SETD3: variants seen among roughly 807,000 people sequenced by gnomAD.
SETD3 encodes the protein SET domain containing 3, actin N3(tau)-histidine methyltransferase.
A neutral mutation model predicts 63.0 loss-of-function variants in SETD3; 19 were observed. The observed-to-expected ratio is 0.30, with a 90% CI of 0.21 to 0.44. The LOEUF is 0.44. Among genes scored for constraint, SETD3 ranks in the 20% least tolerant of loss-of-function variants. SETD3 has a pLI of 1.00. For missense variants in SETD3, 587 were observed against 728.5 expected (o/e 0.81, Z 2.24); for synonymous variants, 286 against 264.1 (o/e 1.08, Z -0.80).
chr14:99,407,606 C>T (rs1216199678), intron 8 of SETD3, among the ~76,000 whole-genome samples: 2 of 152,130 alleles, frequency 1.3e-5, no homozygotes, highest in African/African-American at 2.4e-5. Context: ...AATAAGGAGG[C>T]GGCTCACGCT....
chr14:99,398,962 T>C lies in SETD3; in HGVS notation c.1502A>G (p.Lys501Arg), dbSNP rs1223079812. 1 of 1,614,112 alleles carries C rather than the reference T, an allele frequency of 6.2e-7. No homozygotes were observed. The highest frequency in any genetic ancestry group is 8.5e-7 in the Non-Finnish European group (1 of 1,179,986). ...CAGCCCAAGGTTACTCTCTTCATAT[T>C]TGGGAAGCGGAGCCTTTTCCTCCAT... ...QQMEEKAPLP[K>R]YEESNLGLLE... The change falls in exon 13 of 13, where the codon AAA (lysine) becomes AGA (arginine). Residue 501 changes from lysine to arginine, a missense_variant. Coordinates refer to ENST00000331768, the MANE Select transcript of SETD3 (RefSeq NM_032233.3).
At chr14:99,402,266 T>C (rs947526799) in intron 11 of SETD3, among the ~76,000 whole-genome samples, 3 of 152,228 alleles carry the variant, frequency 2.0e-5, no homozygotes, top group Middle Eastern at 3.2e-3. Flanking sequence ...CTTTTTTCCA[T>C]GTACTATGTT....
chr14:99,413,729 T>C, intron 7 of SETD3, 147 bp downstream of exon 7: 1 of 723,298 alleles, frequency 1.4e-6, no homozygotes, highest in South Asian at 1.8e-5. Flanking sequence ...AAGCTGCTCC[T>C]GATAACTTCT....
chr14:99,439,178 C>T (rs1893652344), intron 6 of SETD3, among the ~76,000 whole-genome samples: 1 of 152,212 alleles, frequency 6.6e-6, no homozygotes, highest in Non-Finnish European at 1.5e-5. Flanking sequence ...AGGAGCAGCT[C>T]CTGCTGGAAA....
At chr14:99,429,366 C>T (rs1287589970) in intron 6 of SETD3, among the ~76,000 whole-genome samples, 1 of 152,148 alleles carries the variant, frequency 6.6e-6, no homozygotes, top group African/African-American at 2.4e-5. Context: ...CCACCAAGGG[C>T]ACAGGCTGGA....
rs538018928 is a variant in SETD3 at position 99,421,789 on chromosome 14, A to G, written c.676-7855T>C. ...AGACATTAAAAGCGTACCCAAGTTTACCCAGTTAATAAATGATGAGGCTAG... is the reference window on the plus strand; with the variant it reads ...AGACATTAAAAGCGTACCCAAGTTTGCCCAGTTAATAAATGATGAGGCTAG... On this transcript the variant is annotated intron_variant, in intron 6 of 12. Transcript: ENST00000331768. Among the ~76,000 whole-genome samples, 316 of 152,290 alleles carry G rather than the reference A, an allele frequency of 2.1e-3. 1 individual carries two copies. The highest frequency in any genetic ancestry group is 7.6e-3 in the African/African-American group (314 of 41,562).
chr14:99,433,160 T>A (rs1893275133), intron 6 of SETD3, among the ~76,000 whole-genome samples: 1 of 152,062 alleles, frequency 6.6e-6, no homozygotes. Flanking sequence ...TCACAGAGTT[T>A]CTGTTTGGGG....
intron 1 of SETD3, among the ~76,000 whole-genome samples, chr14:99,478,398 C>T (rs1183429944): frequency 6.6e-6 from 1 of 152,170 alleles, no homozygotes. Flanking sequence ...AACAGGCAAA[C>T]CAGTCTCTAA....
intron 1 of SETD3, among the ~76,000 whole-genome samples, chr14:99,476,921 C>T (rs1459590602): frequency 6.6e-6 from 1 of 152,142 alleles, no homozygotes; most frequent in Non-Finnish European, 1.5e-5. Context: ...CGTGTAGACA[C>T]TTGATTATCT....
intron 6 of SETD3, among the ~76,000 whole-genome samples, chr14:99,439,085 A>G (rs1279574022): frequency 1.3e-5 from 2 of 152,234 alleles, no homozygotes; most frequent in African/African-American, 4.8e-5. Context: ...GAGAACTGCT[A>G]AAGCAGCAGC....
intron 1 of SETD3, among the ~76,000 whole-genome samples, chr14:99,470,731 A>T (rs1895654923): frequency 6.6e-6 from 1 of 152,196 alleles, no homozygotes; most frequent in Non-Finnish European, 1.5e-5. Context: ...ACTTGGAACC[A>T]TCACTGTCTG....
At chr14:99,419,829 TG>T (rs1892489307) in intron 6 of SETD3, among the ~76,000 whole-genome samples, 2 of 152,100 alleles carry the variant, frequency 1.3e-5, no homozygotes, top group Non-Finnish European at 2.9e-5. Flanking sequence ...GTATACTCTA[TG>T]ATGGGCAACC....
At chr14:99,423,960 T>G (rs1011813243) in intron 6 of SETD3, among the ~76,000 whole-genome samples, 1 of 143,660 alleles carries the variant, frequency 7.0e-6, no homozygotes, top group Non-Finnish European at 1.5e-5. Context: ...TTTCACTCTC[T>G]TTTTTTTTTT....
chr14:99,424,036 GA>G (rs1201464661), intron 6 of SETD3, among the ~76,000 whole-genome samples: 4 of 151,744 alleles, frequency 2.6e-5, no homozygotes, highest in Non-Finnish European at 4.4e-5. Flanking sequence ...TCAATTTCTG[GA>G]AACAAATTTT....
chr14:99,398,602 C>T lies in SETD3; in HGVS notation c.*77G>A. 1.5e-6 allele frequency: 2 copies of T among 1,332,816 alleles called. No homozygotes were observed. Among genetic ancestry groups the T allele is most frequent in the South Asian group, 2.8e-5 (2 of 72,446 alleles). The allele number at this position is 1,332,816 out of a possible 1,614,324, so 82.6% of individuals were successfully genotyped here. A position where few individuals can be genotyped will look rare whatever the true frequency, so the allele number is the denominator to read the frequency against. ...CTCTCTGCAGAAAGAAAAATGTTAA[C>T]AAGGAAACACAGCGATGTGAACGGA... On this transcript the variant is annotated 3_prime_UTR_variant, in exon 13 of 13. Coordinates refer to ENST00000331768, the MANE Select transcript of SETD3 (RefSeq NM_032233.3).
At position 99,399,206 on chromosome 14, in the gene SETD3, G is replaced by A. The variant is rs555309657; in HGVS notation, c.1339-81C>T. 83 of 1,248,830 alleles carry A rather than the reference G, an allele frequency of 6.6e-5. No homozygotes were observed. The East Asian group carries it at 1.8e-3, about 27-fold the overall frequency. The allele number at this position is 1,248,830 out of a possible 1,614,324, so 77.4% of individuals were successfully genotyped here. A position where few individuals can be genotyped will look rare whatever the true frequency, so the allele number is the denominator to read the frequency against. Reference sequence around the variant, plus strand: ...GACAGAGGGCACAACGGCTGGGGATGGGGACATGAGGGAACTTTTTGGGGT... The same window carrying A: ...GACAGAGGGCACAACGGCTGGGGATAGGGACATGAGGGAACTTTTTGGGGT... On this transcript the variant is annotated intron_variant, in intron 12 of 12. Transcript: ENST00000331768.
chr14:99,429,777 G>A (rs565064424), intron 6 of SETD3, among the ~76,000 whole-genome samples: 7 of 152,252 alleles, frequency 4.6e-5, no homozygotes, highest in African/African-American at 1.7e-4. Context: ...ATCCAATATA[G>A]AAACCCATCT....
At chr14:99,401,575 A>G (rs552458649) in intron 11 of SETD3, among the ~76,000 whole-genome samples, 199 of 152,358 alleles carry the variant, frequency 1.3e-3, no homozygotes, top group African/African-American at 4.5e-3. Context: ...CAACAGACCT[A>G]AAAGGATTCA....
intron 6 of SETD3, among the ~76,000 whole-genome samples, chr14:99,439,945 G>A (rs1595208377): frequency 6.6e-6 from 1 of 151,536 alleles, no homozygotes; most frequent in East Asian, 1.9e-4. Flanking sequence ...ACATCACCAT[G>A]CTCAGGTAAT....
Sources: gnomAD v4.1 joint callset for allele counts (sites outside exome capture counted in the v4.1 genomes callset) on GRCh38, gnomAD v4.1.1 for gene constraint, MANE v1.5 for transcripts, NCBI Gene and HGNC (gene_info 2026-07-23, HGNC 2026-07-21) for gene names.